OR8G5: variants seen among roughly 807,000 people sequenced by gnomAD.
OR8G5 encodes the protein olfactory receptor 8G5.
For synonymous variants in OR8G5, 147 were observed against 147.7 expected, an observed-to-expected ratio of 1.00 and a Z score of 0.03; for missense variants, 347 against 371.9, an observed-to-expected ratio of 0.93 and a Z score of 0.55.
rs1311012189 is a variant in OR8G5, at chr11:124,265,371, T to G, written c.440T>G (p.Val147Gly). Residue 147 changes from valine to glycine, a missense_variant, in exon 2 of 2, where the codon GTG (valine) becomes GGG (glycine). Transcript: ENST00000641992. The part of the protein sequence containing the change: ...SNKACFSLIL[V>G]VYVIGLICAS... Reference sequence around the variant, plus strand: ...AAGGCTTGCTTTTCTCTGATTTTAGTGGTGTATGTAATAGGCCTGATTTGT... The same window carrying G: ...AAGGCTTGCTTTTCTCTGATTTTAGGGGTGTATGTAATAGGCCTGATTTGT... The G allele has an allele frequency of 3.1e-6, 5 of 1,613,892 alleles. No individual in the cohort carries two copies. In the South Asian group the frequency reaches 3.3e-5, roughly 11 times the overall value.
intron 1 of OR8G5, 93 bp downstream of exon 1, chr11:124,256,727 GTTCA>G (rs1861917164): frequency 2.0e-5 from 3 of 152,188 alleles, no homozygotes; most frequent in Non-Finnish European, 1.5e-5. Context: ...GAATACTTTC[GTTCA>G]TTCATTTAAT....
At chr11:124,256,693 G>C (rs538752004) in intron 1 of OR8G5, 59 bp downstream of exon 1, 1 of 152,308 alleles carries the variant, frequency 6.6e-6, no homozygotes, top group South Asian at 2.1e-4. Flanking sequence ...AGTAATCACT[G>C]TAAAAACTGT....
At chr11:124,256,726 C>T (rs781023229) in intron 1 of OR8G5, 92 bp downstream of exon 1, 5 of 152,114 alleles carry the variant, frequency 3.3e-5, no homozygotes, top group Non-Finnish European at 4.4e-5. Context: ...TGAATACTTT[C>T]GTTCATTCAT....
intron 1 of OR8G5, among the ~76,000 whole-genome samples, chr11:124,257,576 G>T (rs1437192377): frequency 1.3e-5 from 2 of 152,128 alleles, no homozygotes; most frequent in Non-Finnish European, 2.9e-5. Context: ...GGGGACACAG[G>T]TTGTCTTATT....
At chr11:124,262,948 A>G (rs948835316) in intron 1 of OR8G5, among the ~76,000 whole-genome samples, 1 of 152,182 alleles carries the variant, frequency 6.6e-6, no homozygotes, top group African/African-American at 2.4e-5. Flanking sequence ...CCAGCTTTGT[A>G]TGACAAGTAG....
In OR8G5 at chr11:124,265,067, A is replaced by G; in HGVS notation, c.136A>G (p.Ile46Val). 6.2e-7 allele frequency: 1 copy of G among 1,614,102 alleles called. No homozygotes were observed. The highest frequency in any genetic ancestry group is 8.5e-7 in the Non-Finnish European group (1 of 1,180,026). Residue 46 changes from isoleucine to valine, a missense_variant, in exon 2 of 2, where the codon ATC becomes GTC. Transcript: ENST00000641992. Reference sequence around the variant, plus strand: ...CACAGTGCTGGGGAACCTGGGCATGATCACACTGATTGGGCTCAGTTCTCA... The same window carrying G: ...CACAGTGCTGGGGAACCTGGGCATGGTCACACTGATTGGGCTCAGTTCTCA... ...VVTVLGNLGM[I>V]TLIGLSSHLH...
At chr11:124,256,812 A>G (rs2137755674) in intron 1 of OR8G5, among the ~76,000 whole-genome samples, 178 bp downstream of exon 1, 1 of 152,326 alleles carries the variant, frequency 6.6e-6, no homozygotes, top group South Asian at 2.1e-4. Context: ...TACTGGGAAT[A>G]CAGAAGAGAG....
intron 1 of OR8G5, among the ~76,000 whole-genome samples, chr11:124,260,514 A>G (rs572551681): frequency 6.6e-6 from 1 of 152,034 alleles, no homozygotes; most frequent in Admixed American, 6.5e-5. Flanking sequence ...TAAAAGTTAA[A>G]AAAAGAATTA....
intron 1 of OR8G5, among the ~76,000 whole-genome samples, chr11:124,259,310 CAA>C (rs1861942925): frequency 6.6e-6 from 1 of 151,970 alleles, no homozygotes; most frequent in South Asian, 2.1e-4. Flanking sequence ...TGAAATTTGA[CAA>C]AGATTTGAAA....
At chr11:124,260,937 T>A (rs1055293534) in intron 1 of OR8G5, among the ~76,000 whole-genome samples, 2 of 151,954 alleles carry the variant, frequency 1.3e-5, no homozygotes, top group Non-Finnish European at 2.9e-5. Flanking sequence ...TCTAACTGTA[T>A]GTCACGTACC....
intron 1 of OR8G5, among the ~76,000 whole-genome samples, chr11:124,263,326 G>T (rs1253336623): frequency 1.3e-5 from 2 of 149,846 alleles, no homozygotes; most frequent in South Asian, 2.1e-4. Context: ...GTTAGTTTTT[G>T]GTTCTTTTGC....
chr11:124,259,927 C>A (rs972312020), intron 1 of OR8G5, among the ~76,000 whole-genome samples: 2 of 152,008 alleles, frequency 1.3e-5, no homozygotes, highest in Admixed American at 1.3e-4. Context: ...TTGAGACGAG[C>A]TGTATTCTAG....
At chr11:124,263,921 TTC>T (rs1862001312) in intron 1 of OR8G5, among the ~76,000 whole-genome samples, 2 of 152,174 alleles carry the variant, frequency 1.3e-5, no homozygotes, top group South Asian at 2.1e-4. Context: ...ACACTTGTAA[TTC>T]TGTTTTTTAA....
At chr11:124,258,429 G>A (rs992865082) in intron 1 of OR8G5, among the ~76,000 whole-genome samples, 1 of 151,864 alleles carries the variant, frequency 6.6e-6, no homozygotes, top group Non-Finnish European at 1.5e-5. Flanking sequence ...GTGGTGGCGG[G>A]CGCCTATAAT....
Position 124,266,036 on chromosome 11 carries a change from A to G in OR8G5, c.*169A>G, listed in dbSNP as rs1591397239. On this transcript the variant is annotated 3_prime_UTR_variant, in exon 2 of 2. Coordinates refer to ENST00000641992, the MANE Select transcript of OR8G5 (RefSeq NM_001005198.2). ...GTCTATTTCATGCCATTTCCCTCTC[A>G]TTTTTTCTCTCATAAGGATTACGAA... The G allele has an allele frequency of 2.5e-6, 2 of 806,804 alleles. No individual in the cohort carries two copies. Among genetic ancestry groups the G allele is most frequent in the Non-Finnish European group, 3.7e-6 (2 of 543,200 alleles). The allele number at this position is 806,804 out of a possible 1,614,324, so 50.0% of individuals were successfully genotyped here.
rs761393260 is a variant in OR8G5 at position 124,265,731 on chromosome 11, C to G, written c.800C>G (p.Ser267Cys). 5.0e-5 allele frequency: 80 copies of G among 1,613,954 alleles called. No homozygotes were observed. Among genetic ancestry groups the G allele is most frequent in the Non-Finnish European group, 6.7e-5 (79 of 1,179,966 alleles). ...TACCTGCAGCCATCATCTGTCAGCT[C>G]CATGGACCAGGGGAAAGTGTCCTCT... ...FMYLQPSSVS[S>C]MDQGKVSSVF... The change falls in exon 2 of 2, where the codon TCC (serine) becomes TGC (cysteine). Residue 267 changes from serine to cysteine, a missense_variant. Transcript: ENST00000641992.
chr11:124,257,809 T>A (rs1861927368), intron 1 of OR8G5, among the ~76,000 whole-genome samples: 1 of 152,128 alleles, frequency 6.6e-6, no homozygotes, highest in Non-Finnish European at 1.5e-5. Context: ...CCCAGTACTT[T>A]GGGGAAGAGG....
intron 1 of OR8G5, among the ~76,000 whole-genome samples, chr11:124,261,960 G>A (rs1355088233): frequency 2.0e-5 from 3 of 151,796 alleles, no homozygotes; most frequent in East Asian, 1.9e-4. Context: ...GTCTTAAACT[G>A]TATAATATCA....
chr11:124,265,426 G>A lies in OR8G5; in HGVS notation c.495G>A (p.Arg165=). 1 of 1,613,816 alleles carries A rather than the reference G, an allele frequency of 6.2e-7. No homozygotes were observed. Among genetic ancestry groups the A allele is most frequent in the Non-Finnish European group, 8.5e-7 (1 of 1,179,844 alleles). The part of the protein sequence containing the change: ...CASAHIGCMF[R]VQFCKFDVIN... ...CAGCTCATATAGGCTGTATGTTTAG[G>A]GTTCAATTCTGCAAATTTGATGTGA... Residue 165 remains arginine (R), a synonymous_variant, in exon 2 of 2, where the codon AGG becomes AGA. Transcript: ENST00000641992.
Sources: gnomAD v4.1 joint callset for allele counts (sites outside exome capture counted in the v4.1 genomes callset) on GRCh38, gnomAD v4.1.1 for gene constraint, MANE v1.5 for transcripts, NCBI Gene and HGNC (gene_info 2026-07-23, HGNC 2026-07-21) for gene names.